FBXO34: variants seen among roughly 807,000 people sequenced by gnomAD.
FBXO34 encodes F-box protein 34.
Under a neutral mutation model 24.5 loss-of-function variants are expected in FBXO34, and 12 were observed. The observed-to-expected ratio is 0.49, with a 90% CI of 0.31 to 0.79. The LOEUF (loss-of-function observed/expected upper bound fraction) is 0.79, where lower values mean the gene tolerates loss of function less well. FBXO34 is among the 30% of genes least tolerant of loss of function. The pLI, the probability that FBXO34 is intolerant of heterozygous loss-of-function variation, is 0.04. For synonymous variants in FBXO34, 320 were observed against 311.9 expected (o/e 1.03, Z -0.27); for missense variants, 823 against 857.7 (o/e 0.96, Z 0.51).
chr14:55,380,875 A>ATATATATATAGATATATTTTTTTT, the FBXO34 span, among the ~76,000 whole-genome samples: 1 of 112,732 alleles, frequency 8.9e-6, no homozygotes, highest in South Asian at 2.9e-4. Flanking sequence ...ATATATATAT[A>ATATATATATAGATATATTTTTTTT]TTTTTTTTTT....
chr14:55,326,878 G>A (rs895553976), intron 1 of FBXO34, among the ~76,000 whole-genome samples: 4 of 152,144 alleles, frequency 2.6e-5, no homozygotes, highest in Non-Finnish European at 4.4e-5. Flanking sequence ...TCCTAAAACA[G>A]CTGGTATAAT....
At chr14:55,320,237 A>G (rs1011159080) in intron 1 of FBXO34, among the ~76,000 whole-genome samples, 2 of 152,132 alleles carry the variant, frequency 1.3e-5, no homozygotes, top group Non-Finnish European at 2.9e-5. Context: ...TTTGGGGAGA[A>G]TTATGATAGG....
At chr14:55,422,569 A>G in the FBXO34 span, among the ~76,000 whole-genome samples, 1 of 152,126 alleles carries the variant, frequency 6.6e-6, no homozygotes, top group Non-Finnish European at 1.5e-5. Flanking sequence ...AACTTTCTGT[A>G]GGTGGGGCAC....
chr14:55,350,958 C>T lies in FBXO34; in HGVS notation c.568C>T (p.His190Tyr). 2 of 1,614,128 alleles carry T rather than the reference C, an allele frequency of 1.2e-6. No individual in the cohort carries two copies. The highest frequency in any genetic ancestry group is 8.5e-7 in the Non-Finnish European group (1 of 1,179,986). ...ATGTGGCATTGAGCACTGTTCTGTG[C>T]ACTATGTGAGTGACAGTGGGGATGG... ...FACGIEHCSV[H>Y]YVSDSGDGVY... Residue 190 changes from histidine (H) to tyrosine (Y), a missense_variant, in exon 2 of 2, where the codon CAC becomes TAC. This residue lies in a region of FBXO34 where 693 missense variants were observed against 659.1 expected (regional missense o/e 1.05). Transcript: ENST00000313833.
chr14:55,392,557 G>C, the FBXO34 span, among the ~76,000 whole-genome samples: 1 of 151,108 alleles, frequency 6.6e-6, no homozygotes, highest in Non-Finnish European at 1.5e-5. Context: ...ACTGAGGTGG[G>C]AGAATCGCTT....
Position 55,351,351 on chromosome 14 carries a change from A to C in FBXO34, c.961A>C (p.Thr321Pro), listed in dbSNP as rs764583132. 2 of 1,614,170 alleles carry C rather than the reference A, an allele frequency of 1.2e-6. No homozygotes were observed. Among genetic ancestry groups the C allele is most frequent in the Non-Finnish European group, 1.7e-6 (2 of 1,180,036 alleles). Residue 321 changes from threonine (T) to proline (P), a missense_variant, in exon 2 of 2, where the codon ACT (threonine) becomes CCT (proline). Physicochemically the swap from Thr to Pro is conservative, Grantham distance 38. Coordinates refer to ENST00000313833, the MANE Select transcript of FBXO34 (RefSeq NM_017943.4). ...NVGRVLLANSTQADEGKTKKG... is the reference protein window; with the variant it reads ...NVGRVLLANSPQADEGKTKKG... ...GGGCAGAGTATTGCTTGCAAATAGC[A>C]CTCAGGCTGATGAAGGCAAAACAAA... is the stretch of plus-strand genomic sequence containing the variant.
Position 55,298,961 on chromosome 14 carries a change from G to A in FBXO34, c.-11+27424G>A. 6.9e-6 allele frequency: 11 copies of A among 1,593,284 alleles called. No individual in the cohort carries two copies. In the South Asian group the frequency reaches 8.8e-5, roughly 13 times the overall value. On this transcript the variant is annotated intron_variant, in intron 1 of 1. Transcript: ENST00000313833. ...GCTCTGCAGCCAAGGCCAAGAAGGC[G>A]GCCCACGACAACATGGACATCGATA...
chr14:55,273,607 A>G (rs1368898642), intron 1 of FBXO34, among the ~76,000 whole-genome samples: 2 of 152,202 alleles, frequency 1.3e-5, no homozygotes, highest in Non-Finnish European at 2.9e-5. Context: ...TTGGATCACC[A>G]GAGACTGAGA....
the FBXO34 span, among the ~76,000 whole-genome samples, chr14:55,384,924 G>A: frequency 6.6e-6 from 1 of 152,180 alleles, no homozygotes; most frequent in Non-Finnish European, 1.5e-5. Context: ...GAGGTTGGAG[G>A]GGTGCCCTCT....
At chr14:55,386,176 CGT>C in the FBXO34 span, 1 of 1,207,538 alleles carries the variant, frequency 8.3e-7, no homozygotes, top group Non-Finnish European at 1.2e-6. Context: ...CACAAACATG[CGT>C]GTTTTCCCTT....
In FBXO34 at chr14:55,297,554, C is replaced by A. The variant is rs373988148; in HGVS notation, c.-11+26017C>A. On this transcript the variant is annotated intron_variant, in intron 1 of 1. Transcript: ENST00000313833. ...GTTAATTTTCCTTTCTCTTTGCCAG[C>A]AAAAACGATTATGTGATTTAGATAT... Among the ~76,000 whole-genome samples the A allele has an allele frequency of 7.9e-5, 12 of 152,266 alleles. No individual in the cohort carries two copies. In the South Asian group the frequency reaches 1.0e-3, roughly 13 times the overall value.
At chr14:55,274,012 G>C in intron 1 of FBXO34, among the ~76,000 whole-genome samples, 1 of 152,118 alleles carries the variant, frequency 6.6e-6, no homozygotes, top group East Asian at 1.9e-4. Flanking sequence ...CACTGTGTTG[G>C]CCAGGCTGGT....
chr14:55,420,474 T>C, the FBXO34 span, among the ~76,000 whole-genome samples: 2 of 152,236 alleles, frequency 1.3e-5, no homozygotes, highest in African/African-American at 4.8e-5. Flanking sequence ...CTAAATAGTT[T>C]AAGACAGTAT....
rs771347407 is a variant in FBXO34, at chr14:55,352,588, G to A, written c.*62G>A. The A allele has an allele frequency of 2.5e-5, 34 of 1,358,410 alleles. No homozygotes were observed. Among genetic ancestry groups the A allele is most frequent in the South Asian group, 4.3e-5 (3 of 69,268 alleles). The allele number at this position is 1,358,410 out of a possible 1,614,324, so 84.1% of individuals were successfully genotyped here. A position where few individuals can be genotyped will look rare whatever the true frequency, so the allele number is the denominator to read the frequency against. ...AAGCTGCAAAACACCTAGATACACC[G>A]TTCAAATGAGCGTAGCCCCCTGAGT... On this transcript the variant is annotated 3_prime_UTR_variant, in exon 2 of 2. Transcript: ENST00000313833.
rs924364521 is a variant in FBXO34 at position 55,307,367 on chromosome 14, C to T, written c.-11+35830C>T. Among the ~76,000 whole-genome samples, 49 of 152,190 alleles carry T rather than the reference C, an allele frequency of 3.2e-4. 1 individual carries two copies. The highest frequency in any genetic ancestry group is 2.4e-5 in the African/African-American group (1 of 41,446). ...TAAGCGGACCTCTTTGAATTCTTTTCGTGGAGGCAAGCAAAACAATGTGCG... is the reference window on the plus strand; with the variant it reads ...TAAGCGGACCTCTTTGAATTCTTTTTGTGGAGGCAAGCAAAACAATGTGCG... On this transcript the variant is annotated intron_variant, in intron 1 of 1. Transcript: ENST00000313833.
the FBXO34 span, among the ~76,000 whole-genome samples, chr14:55,388,253 A>G: frequency 6.6e-6 from 1 of 152,202 alleles, no homozygotes; most frequent in African/African-American, 2.4e-5. Flanking sequence ...CAAGCTCTTT[A>G]CAAGTGCTGA....
chr14:55,333,339 G>C (rs1883663688), intron 1 of FBXO34, among the ~76,000 whole-genome samples: 1 of 152,122 alleles, frequency 6.6e-6, no homozygotes, highest in East Asian at 1.9e-4. Flanking sequence ...GCTGTTTGCT[G>C]TGCTCTAGTT....
intron 1 of FBXO34, among the ~76,000 whole-genome samples, chr14:55,312,704 C>T (rs1169723626): frequency 1.3e-5 from 2 of 152,244 alleles, no homozygotes; most frequent in Non-Finnish European, 2.9e-5. Flanking sequence ...CTTGCACCCT[C>T]TGAAGTAATG....
chr14:55,428,826 T>A, the FBXO34 span: 1 of 1,614,144 alleles, frequency 6.2e-7, no homozygotes, highest in Non-Finnish European at 8.5e-7. Context: ...TGCTGATGGG[T>A]TAGCACCAAA....
Sources: gnomAD v4.1 joint callset for allele counts (sites outside exome capture counted in the v4.1 genomes callset) on GRCh38, gnomAD v4.1.1 for gene constraint, gnomAD v4.1.1 regional missense constraint, MANE v1.5 for transcripts, NCBI Gene and HGNC (gene_info 2026-07-23, HGNC 2026-07-21) for gene names.